Variants in DOCK2 observed in about 807,000 individuals in gnomAD.
DOCK2 encodes dedicator of cytokinesis 2.
A neutral mutation model predicts 248.9 loss-of-function variants in DOCK2; 87 were observed. That is an observed-to-expected ratio of 0.35 (90% CI 0.29 to 0.42). DOCK2 has a LOEUF of 0.42. DOCK2 is among the 10% of genes least tolerant of loss of function. The pLI, the probability that DOCK2 is intolerant of heterozygous loss-of-function variation, is 1.00. For synonymous variants in DOCK2, 805 were observed against 821.6 expected, an observed-to-expected ratio of 0.98 and a Z score of 0.35; for missense variants, 1,747 against 2,300.2, an observed-to-expected ratio of 0.76 and a Z score of 4.92.
intron 27 of DOCK2, among the ~76,000 whole-genome samples, chr5:169,955,632 A>G (rs1356771231): frequency 6.6e-6 from 1 of 152,222 alleles, no homozygotes; most frequent in Non-Finnish European, 1.5e-5. Context: ...ATGAAGCAGT[A>G]TCATGCAGGA....
chr5:169,811,313 G>T (rs886457947), intron 26 of DOCK2, among the ~76,000 whole-genome samples: 4 of 152,210 alleles, frequency 2.6e-5, no homozygotes, highest in African/African-American at 9.7e-5. Context: ...TGGAAGGGAG[G>T]CTGCCACTGC....
chr5:170,011,317 A>T (rs1009117971), intron 32 of DOCK2, among the ~76,000 whole-genome samples: 1 of 152,234 alleles, frequency 6.6e-6, no homozygotes, highest in African/African-American at 2.4e-5. Flanking sequence ...TGAAGTCCAT[A>T]GAGAAGGGGT....
In DOCK2 at chr5:169,689,282, G is replaced by A. The variant is rs1305206146; in HGVS notation, c.792G>A (p.Arg264=). 1 of 1,614,064 alleles carries A rather than the reference G, an allele frequency of 6.2e-7. No individual in the cohort carries two copies. Among genetic ancestry groups the A allele is most frequent in the Non-Finnish European group, 8.5e-7 (1 of 1,179,986 alleles). ...ACTACCTAGTGCGATGGGGCAGCCG[G>A]GGCTTCCCTAAGGAGATTGAGATGC... ...SENYLVRWGS[R]GFPKEIEMLN... The change falls in exon 9 of 52, where the codon CGG becomes CGA. Residue 264 remains arginine, a synonymous_variant. Transcript: ENST00000520908.
chr5:169,804,510 T>G (rs1018676486), intron 26 of DOCK2, among the ~76,000 whole-genome samples: 1 of 146,598 alleles, frequency 6.8e-6, no homozygotes, highest in Non-Finnish European at 1.5e-5. Context: ...GCGTAAGCAT[T>G]TTTGTCAAGG....
At chr5:169,885,789 A>G (rs917848070) in intron 27 of DOCK2, among the ~76,000 whole-genome samples, 2 of 152,254 alleles carry the variant, frequency 1.3e-5, no homozygotes, top group Non-Finnish European at 2.9e-5. Flanking sequence ...ACAGTTGAAT[A>G]AACCGAGGCC....
chr5:169,744,784 G>C (rs1403319507), intron 22 of DOCK2, among the ~76,000 whole-genome samples: 1 of 152,136 alleles, frequency 6.6e-6, no homozygotes, highest in East Asian at 1.9e-4. Flanking sequence ...AAGGAGAACT[G>C]CCAGGGGGCC....
At chr5:169,971,122 C>T (rs1471569447) in intron 27 of DOCK2, among the ~76,000 whole-genome samples, 1 of 150,872 alleles carries the variant, frequency 6.6e-6, no homozygotes, top group Non-Finnish European at 1.5e-5. Context: ...GCTACCATTC[C>T]AGAGGACAGG....
At chr5:169,641,027 A>G (rs1013424388) in intron 1 of DOCK2, among the ~76,000 whole-genome samples, 2 of 152,152 alleles carry the variant, frequency 1.3e-5, no homozygotes, top group Admixed American at 1.3e-4. Context: ...TTTGCTGGCA[A>G]TCCTCGGCAT....
intron 27 of DOCK2, among the ~76,000 whole-genome samples, chr5:169,845,747 C>T (rs975849348): frequency 2.6e-5 from 4 of 152,158 alleles, no homozygotes; most frequent in Non-Finnish European, 4.4e-5. Context: ...GTCTCAATGA[C>T]TTTGGAGTTT....
intron 36 of DOCK2, among the ~76,000 whole-genome samples, chr5:170,038,345 C>T (rs1354043036): frequency 3.3e-5 from 5 of 152,080 alleles, no homozygotes; most frequent in Middle Eastern, 3.2e-3. Flanking sequence ...ATTTGAGGCC[C>T]GTAGTAATCT....
chr5:169,804,426 A>G (rs1767182858), intron 26 of DOCK2, among the ~76,000 whole-genome samples: 2 of 149,124 alleles, frequency 1.3e-5, no homozygotes, highest in South Asian at 4.3e-4. Context: ...TTTGGGGTAC[A>G]AGAGCTACAA....
intron 27 of DOCK2, among the ~76,000 whole-genome samples, chr5:169,926,647 G>A (rs1245488327): frequency 1.3e-5 from 2 of 152,298 alleles, no homozygotes; most frequent in South Asian, 2.1e-4. Flanking sequence ...TATGCCATAC[G>A]TCACCCACTT....
intron 27 of DOCK2, among the ~76,000 whole-genome samples, chr5:169,927,991 T>C (rs1775557487): frequency 6.6e-6 from 1 of 152,122 alleles, no homozygotes; most frequent in Admixed American, 6.5e-5. Context: ...TCAGTAGGTG[T>C]GGGAATTAAC....
rs1016644589 is a variant in DOCK2 at position 169,763,115 on chromosome 5, G to A, written c.2554+1490G>A. 2.2e-4 allele frequency among the ~76,000 whole-genome samples: 33 copies of A among 152,346 alleles called. No individual in the cohort carries two copies. The highest frequency in any genetic ancestry group is 7.7e-4 in the African/African-American group (32 of 41,588). On this transcript the variant is annotated intron_variant, in intron 25 of 51. Transcript: ENST00000520908. The surrounding 1 kb of genome is among the most constrained non-coding windows in gnomAD (Gnocchi z 4.1). ...AACAGATTAATCCAATAAATATGTAGTTTGTTTGAGCCAGGTGGTTTTTGT... is the reference window on the plus strand; with the variant it reads ...AACAGATTAATCCAATAAATATGTAATTTGTTTGAGCCAGGTGGTTTTTGT...
At chr5:169,896,506 A>C (rs261066) in intron 27 of DOCK2, among the ~76,000 whole-genome samples, 114,231 of 152,158 alleles carry the variant, frequency 0.75, 43,744 homozygotes, top group African/African-American at 0.89. Flanking sequence ...ACTTAAGAAG[A>C]TGTAGCTAAT....
At chr5:169,934,858 C>T (rs1775917392) in intron 27 of DOCK2, 1 of 378,652 alleles carries the variant, frequency 2.6e-6, no homozygotes, top group Non-Finnish European at 5.3e-6. Context: ...AAGCATTATA[C>T]ATTGCCAAAA....
intron 47 of DOCK2, among the ~76,000 whole-genome samples, chr5:170,076,617 G>A (rs1229220679): frequency 2.0e-5 from 3 of 152,104 alleles, no homozygotes; most frequent in African/African-American, 7.2e-5. Flanking sequence ...GTGCTTACGG[G>A]GTGCTTCTTC....
intron 27 of DOCK2, among the ~76,000 whole-genome samples, chr5:169,893,757 A>T (rs879918192): frequency 5.3e-5 from 8 of 152,224 alleles, no homozygotes; most frequent in Non-Finnish European, 1.2e-4. Context: ...AGATTTACTC[A>T]TAGGGTACAG....
intron 32 of DOCK2, among the ~76,000 whole-genome samples, chr5:170,011,858 T>G (rs978348082): frequency 6.6e-6 from 1 of 152,334 alleles, no homozygotes; most frequent in Non-Finnish European, 1.5e-5. Flanking sequence ...GGAGGGGCAG[T>G]AGCCATCTTA....
Sources: allele counts gnomAD v4.1 joint callset (sites outside exome capture counted in the v4.1 genomes callset), GRCh38; gene constraint gnomAD v4.1.1; non-coding constraint Gnocchi (gnomAD v3.1); transcripts MANE v1.5; gene names NCBI Gene and HGNC (gene_info 2026-07-23, HGNC 2026-07-21).